MCHR2: variants seen among roughly 807,000 people sequenced by gnomAD.
MCHR2 encodes melanin concentrating hormone receptor 2.
MCHR2 carries 15 observed loss-of-function variants against 24.8 expected under a neutral mutation model. That is an observed-to-expected ratio of 0.60 (90% CI 0.40 to 0.93). The LOEUF is 0.93. Among genes scored for constraint, MCHR2 ranks in the 40% least tolerant of loss-of-function variants. MCHR2 has a pLI of 0.00. For missense variants in MCHR2, 386 were observed against 408.7 expected, an observed-to-expected ratio of 0.94 and a Z score of 0.48; for synonymous variants, 151 against 147.6, an observed-to-expected ratio of 1.02 and a Z score of -0.17.
At chr6:99,990,166 G>A (rs1775843584) in intron 1 of MCHR2, among the ~76,000 whole-genome samples, 1 of 152,178 alleles carries the variant, frequency 6.6e-6, no homozygotes, top group African/African-American at 2.4e-5. Context: ...AGAACAAGGT[G>A]GGACCCAGGT....
chr6:99,977,807 T>C (rs1775581750), intron 1 of MCHR2, among the ~76,000 whole-genome samples: 4 of 152,122 alleles, frequency 2.6e-5, no homozygotes, highest in Admixed American at 2.6e-4. Context: ...AGCTTCAGAA[T>C]CAAGAAGACT....
At chr6:99,931,005 CA>C (rs1475643161) in intron 5 of MCHR2, among the ~76,000 whole-genome samples, 1 of 152,116 alleles carries the variant, frequency 6.6e-6, no homozygotes, top group Non-Finnish European at 1.5e-5. Context: ...TGGTGATGTA[CA>C]GATGGGTTTT....
chr6:99,928,895 G>T (rs952532402), intron 5 of MCHR2, among the ~76,000 whole-genome samples: 40 of 152,066 alleles, frequency 2.6e-4, no homozygotes, highest in African/African-American at 9.7e-4. Flanking sequence ...GAATGTGTTT[G>T]CTCTTGGTTT....
chr6:99,976,790 G>A (rs891973042), intron 1 of MCHR2, among the ~76,000 whole-genome samples: 4 of 152,172 alleles, frequency 2.6e-5, no homozygotes, highest in African/African-American at 9.7e-5. Context: ...CCTAAGCCTT[G>A]CTAAGGTAAG....
chr6:99,962,382 C>A (rs547493574), intron 1 of MCHR2, among the ~76,000 whole-genome samples: 20 of 152,248 alleles, frequency 1.3e-4, no homozygotes, highest in African/African-American at 4.6e-4. Flanking sequence ...TTACTAGTTT[C>A]TAACTGTGGT....
chr6:99,990,058 A>G (rs1775841062), intron 1 of MCHR2, among the ~76,000 whole-genome samples: 1 of 3,260 alleles, frequency 3.1e-4, no homozygotes, highest in Non-Finnish European at 1.7e-3. Context: ...GCTTTAAAAA[A>G]CAAAAAAAAA....
chr6:99,977,379 G>A (rs1289329429), intron 1 of MCHR2, among the ~76,000 whole-genome samples: 1 of 152,062 alleles, frequency 6.6e-6, no homozygotes, highest in Non-Finnish European at 1.5e-5. Flanking sequence ...ACACATAGTT[G>A]GAGGGAAATT....
At chr6:99,988,239 C>A (rs1036264282) in intron 1 of MCHR2, among the ~76,000 whole-genome samples, 5 of 152,188 alleles carry the variant, frequency 3.3e-5, no homozygotes, top group Admixed American at 6.5e-5. Context: ...TTGCTTATTT[C>A]AGTGGCCTAA....
At position 99,920,295 on chromosome 6, in the gene MCHR2, G is replaced by T. The variant is rs1001718076; in HGVS notation, c.*645C>A. ...AAGAAACAGGCAGAGCTGAATGTTA[G>T]CTCAGCTCTTAGATAGCTGTTGCAG... On this transcript the variant is annotated 3_prime_UTR_variant, in exon 6 of 6. Transcript: ENST00000281806. 1 of 152,234 alleles carries T rather than the reference G, an allele frequency of 6.6e-6. No individual in the cohort carries two copies. The highest frequency in any genetic ancestry group is 2.4e-5 in the African/African-American group (1 of 41,440). The allele number at this position is 152,234 out of a possible 1,614,324, so 9.4% of individuals were successfully genotyped here. A position where few individuals can be genotyped will look rare whatever the true frequency, so the allele number is the denominator to read the frequency against.
chr6:99,938,490 T>G (rs1013330603), intron 4 of MCHR2, among the ~76,000 whole-genome samples: 2 of 152,140 alleles, frequency 1.3e-5, no homozygotes, highest in African/African-American at 4.8e-5. Context: ...AATTTACATA[T>G]ATTTGTGTAG....
intron 5 of MCHR2, among the ~76,000 whole-genome samples, chr6:99,929,686 G>T (rs1421721325): frequency 1.3e-5 from 2 of 151,906 alleles, no homozygotes; most frequent in African/African-American, 2.4e-5. Context: ...TTTTCCATTT[G>T]CTTGGTAGAT....
intron 1 of MCHR2, among the ~76,000 whole-genome samples, chr6:99,974,922 G>C (rs868318035): frequency 1.3e-5 from 2 of 152,150 alleles, no homozygotes; most frequent in African/African-American, 2.4e-5. Context: ...CTGCCTGATC[G>C]TTCCTCTGGA....
intron 2 of MCHR2, among the ~76,000 whole-genome samples, chr6:99,951,775 C>T (rs755732316): frequency 6.6e-6 from 1 of 152,078 alleles, no homozygotes; most frequent in Non-Finnish European, 1.5e-5. Context: ...TGTTCTAAAA[C>T]GTTTTCCATC....
intron 4 of MCHR2, among the ~76,000 whole-genome samples, chr6:99,941,868 C>T (rs60597139): frequency 0.19 from 28,806 of 151,688 alleles, 2,947 homozygotes; most frequent in African/African-American, 0.24. Flanking sequence ...ACTGGATTAG[C>T]GGATTTGCAG....
chr6:99,958,824 G>T (rs1244256335), intron 1 of MCHR2, among the ~76,000 whole-genome samples: 1 of 152,164 alleles, frequency 6.6e-6, no homozygotes, highest in Non-Finnish European at 1.5e-5. Flanking sequence ...GGGAGAGAGA[G>T]AAAACTGGAG....
intron 4 of MCHR2, among the ~76,000 whole-genome samples, chr6:99,938,078 A>G (rs552152031): frequency 6.6e-6 from 1 of 151,178 alleles, no homozygotes; most frequent in Admixed American, 6.6e-5. Flanking sequence ...GATTTTGTTT[A>G]TTTGGAACTT....
At chr6:99,970,695 G>T (rs1775393052) in intron 1 of MCHR2, among the ~76,000 whole-genome samples, 1 of 152,156 alleles carries the variant, frequency 6.6e-6, no homozygotes, top group Non-Finnish European at 1.5e-5. Flanking sequence ...ATGGTTTTAG[G>T]TCTAACATGT....
At chr6:99,932,759 A>T (rs1488722432) in intron 5 of MCHR2, among the ~76,000 whole-genome samples, 1 of 152,192 alleles carries the variant, frequency 6.6e-6, no homozygotes, top group Non-Finnish European at 1.5e-5. Context: ...AGAAACTCAC[A>T]GATCAGAGGA....
At chr6:99,982,440 G>A (rs543226715) in intron 1 of MCHR2, among the ~76,000 whole-genome samples, 1 of 110,038 alleles carries the variant, frequency 9.1e-6, no homozygotes, top group African/African-American at 3.4e-5. Context: ...ACCAGCCTGG[G>A]CAATATGGAG....
Sources: gnomAD v4.1 joint callset for allele counts (sites outside exome capture counted in the v4.1 genomes callset) on GRCh38, gnomAD v4.1.1 for gene constraint, MANE v1.5 for transcripts, NCBI Gene and HGNC (gene_info 2026-07-23, HGNC 2026-07-21) for gene names.